ANKHD1: variants seen among roughly 807,000 people sequenced by gnomAD.
ANKHD1 encodes the protein ankyrin repeat and KH domain containing 1.
Under a neutral mutation model 230.5 loss-of-function variants are expected in ANKHD1, and 31 were observed. That is an observed-to-expected ratio of 0.13 (90% CI 0.10 to 0.18). The LOEUF is 0.18. Among genes scored for constraint, ANKHD1 ranks in the 10% least tolerant of loss-of-function variants. The probability of loss-of-function intolerance (pLI) is 1.00; values close to 1 mark genes in which losing one functional copy is unlikely to be tolerated. For missense variants in ANKHD1, 2,256 were observed against 3,071.3 expected (o/e 0.73, Z 6.27); for synonymous variants, 1,074 against 1,117.6 (o/e 0.96, Z 0.78).
chr5:140,427,025 T>C (rs1772486642), intron 1 of ANKHD1, among the ~76,000 whole-genome samples: 1 of 152,196 alleles, frequency 6.6e-6, no homozygotes, highest in Admixed American at 6.5e-5. Context: ...CTCAATGAGC[T>C]GTTGGGTACA....
intron 14 of ANKHD1, among the ~76,000 whole-genome samples, chr5:140,491,139 C>CACACATATATAT (rs1460352213): frequency 8.9e-5 from 5 of 56,364 alleles, no homozygotes; most frequent in South Asian, 8.5e-4. Flanking sequence ...TATATATACA[C>CACACATATATAT]ATATATATAT....
At chr5:140,521,991 A>G (rs1029508390) in intron 24 of ANKHD1, among the ~76,000 whole-genome samples, 6 of 152,208 alleles carry the variant, frequency 3.9e-5, no homozygotes, top group Non-Finnish European at 8.8e-5. Flanking sequence ...AATAAAATAA[A>G]TAAAGTTACG....
chr5:140,447,946 G>T (rs1361918458), intron 6 of ANKHD1, among the ~76,000 whole-genome samples: 1 of 152,162 alleles, frequency 6.6e-6, no homozygotes, highest in Non-Finnish European at 1.5e-5. Context: ...TTCTAGTCAG[G>T]TATGTTGCTG....
chr5:140,476,982 A>G (rs1751005941), intron 10 of ANKHD1, among the ~76,000 whole-genome samples: 2 of 152,150 alleles, frequency 1.3e-5, no homozygotes, highest in Admixed American at 6.5e-5. Context: ...TAGAATCGTA[A>G]TCAGAACAAA....
At chr5:140,411,722 C>T (rs1217405523) in intron 1 of ANKHD1, among the ~76,000 whole-genome samples, 1 of 151,816 alleles carries the variant, frequency 6.6e-6, no homozygotes, top group African/African-American at 2.4e-5. Context: ...TGGGGTTTCA[C>T]CATGTTGGCC....
At chr5:140,476,390 C>T (rs946690334) in intron 10 of ANKHD1, among the ~76,000 whole-genome samples, 10 of 151,992 alleles carry the variant, frequency 6.6e-5, no homozygotes, top group African/African-American at 2.4e-4. Flanking sequence ...TCATATCCAT[C>T]ACTAAGCAGA....
intron 1 of ANKHD1, among the ~76,000 whole-genome samples, chr5:140,421,591 G>A (rs1196751347): frequency 2.6e-5 from 4 of 152,094 alleles, no homozygotes; most frequent in East Asian, 1.9e-4. Context: ...TTGAGCCACC[G>A]TGCCCGGCCG....
At chr5:140,479,883 ATG>A (rs1751190921) in intron 10 of ANKHD1, among the ~76,000 whole-genome samples, 1 of 149,450 alleles carries the variant, frequency 6.7e-6, no homozygotes, top group East Asian at 1.9e-4. Flanking sequence ...TGTATAATGT[ATG>A]TATATAATGG....
chr5:140,435,611 C>G (rs1298263704), intron 1 of ANKHD1, among the ~76,000 whole-genome samples: 4 of 151,932 alleles, frequency 2.6e-5, no homozygotes, highest in Non-Finnish European at 5.9e-5. Flanking sequence ...ACTCTTGACC[C>G]CAGGTAATCC....
At chr5:140,482,433 A>G in intron 10 of ANKHD1, 147 bp from the exon 11 acceptor site, 2 of 805,448 alleles carry the variant, frequency 2.5e-6, no homozygotes, top group Non-Finnish European at 3.6e-6. Context: ...ATCCTGTATA[A>G]TGGGGGAATT....
At chr5:140,474,584 C>T (rs1037262092) in intron 10 of ANKHD1, among the ~76,000 whole-genome samples, 1 of 143,000 alleles carries the variant, frequency 7.0e-6, no homozygotes, top group East Asian at 2.0e-4. Context: ...TCATCAGAAC[C>T]TTTTTTTTTT....
At chr5:140,421,615 C>T (rs551684539) in intron 1 of ANKHD1, among the ~76,000 whole-genome samples, 26 of 152,170 alleles carry the variant, frequency 1.7e-4, no homozygotes, top group South Asian at 1.5e-3. Flanking sequence ...TTTTGCATCT[C>T]GTAACACCTG....
chr5:140,509,869 C>G (rs1249108536), intron 21 of ANKHD1, 57 bp downstream of exon 21: 1 of 1,564,278 alleles, frequency 6.4e-7, no homozygotes, highest in Non-Finnish European at 8.6e-7. Context: ...CTTTTCAGAG[C>G]TTTTAAAGTT....
chr5:140,538,012 G>A, intron 31 of ANKHD1, 74 bp from the exon 32 acceptor site: 1 of 1,522,756 alleles, frequency 6.6e-7, no homozygotes, highest in Non-Finnish European at 8.8e-7. Flanking sequence ...GGTCATGTTT[G>A]GTAATAACAA....
At chr5:140,441,454 G>A (rs1773839612) in intron 5 of ANKHD1, among the ~76,000 whole-genome samples, 1 of 151,938 alleles carries the variant, frequency 6.6e-6, no homozygotes, top group Non-Finnish European at 1.5e-5. Context: ...TATGCTAAGT[G>A]GAATAAGCCA....
At chr5:140,458,586 A>C (rs1775398101) in intron 7 of ANKHD1, 39 bp from the exon 8 acceptor site, 1 of 1,559,476 alleles carries the variant, frequency 6.4e-7, no homozygotes. Context: ...CAAAACAAAA[A>C]ATTTCTCTCC....
rs375637691 is a variant in ANKHD1 at position 140,423,404 on chromosome 5, C to CT, written c.307-12698dup. Reference sequence around the variant, plus strand: ...ACTCTAAAGATTGATATTTGAGTGTCTTGCTTCAGGAGATTGATGGGCTCT... The same window carrying CT: ...ACTCTAAAGATTGATATTTGAGTGTCTTTGCTTCAGGAGATTGATGGGCTCT... On this transcript the variant is annotated intron_variant, in intron 1 of 33. Coordinates refer to ENST00000360839, the MANE Select transcript of ANKHD1 (RefSeq NM_017747.3). Among the ~76,000 whole-genome samples, 38 of 152,284 alleles carry CT rather than the reference C, an allele frequency of 2.5e-4. No individual in the cohort carries two copies. In the East Asian group the frequency reaches 7.1e-3, roughly 29 times the overall value.
intron 9 of ANKHD1, among the ~76,000 whole-genome samples, chr5:140,462,491 G>T (rs770214977): frequency 2.0e-5 from 3 of 151,904 alleles, no homozygotes; most frequent in Non-Finnish European, 4.4e-5. Context: ...TTGGGATGCC[G>T]AGGTGGGCGG....
Position 140,524,052 on chromosome 5 carries a change from T to G in ANKHD1, c.4318-14T>G. The G allele has an allele frequency of 1.9e-6, 3 of 1,560,734 alleles. No homozygotes were observed. The highest frequency in any genetic ancestry group is 2.6e-6 in the Non-Finnish European group (3 of 1,165,660). On this transcript the variant is annotated splice_polypyrimidine_tract_variant and intron_variant, in intron 24 of 33. Coordinates refer to ENST00000360839, the MANE Select transcript of ANKHD1 (RefSeq NM_017747.3). ...TGCCTTATTGGTAAAATTATATACCTGCTTTATTTCCAGTCAAGAGAAGAG... is the reference window on the plus strand; with the variant it reads ...TGCCTTATTGGTAAAATTATATACCGGCTTTATTTCCAGTCAAGAGAAGAG...
Sources: allele counts gnomAD v4.1 joint callset (sites outside exome capture counted in the v4.1 genomes callset), GRCh38; gene constraint gnomAD v4.1.1; transcripts MANE v1.5; gene names NCBI Gene and HGNC (gene_info 2026-07-23, HGNC 2026-07-21).